The following KAZN variants were observed in gnomAD, a reference collection of about 807,000 sequenced individuals.
The protein encoded by KAZN is kazrin, periplakin interacting protein, also known as kazrin.
A neutral mutation model predicts 87.4 loss-of-function variants in KAZN; 40 were observed. The ratio of observed to expected loss-of-function variants is 0.46; its 90% CI spans 0.36 to 0.60. The LOEUF (loss-of-function observed/expected upper bound fraction) is 0.60. KAZN is among the 20% of genes least tolerant of loss of function. KAZN has a pLI of 0.00. For synonymous variants in KAZN, 466 were observed against 458.3 expected (o/e 1.02, Z -0.22); for missense variants, 898 against 1,073.9 (o/e 0.84, Z 2.29).
intron 1 of KAZN, among the ~76,000 whole-genome samples, chr1:14,846,691 G>T (rs35734709): frequency 6.6e-6 from 1 of 152,114 alleles, no homozygotes; most frequent in Admixed American, 6.5e-5. Flanking sequence ...TGAGAATCAG[G>T]GGGGAGTTAT....
chr1:14,532,837 A>G (rs1191734828), intron 2 of KAZN, among the ~76,000 whole-genome samples: 3 of 151,892 alleles, frequency 2.0e-5, no homozygotes, highest in Admixed American at 6.6e-5. Context: ...TCCATGGTGT[A>G]TATGTGCCAC....
intron 1 of KAZN, among the ~76,000 whole-genome samples, chr1:14,829,691 C>A (rs527445059): frequency 2.6e-5 from 4 of 152,178 alleles, no homozygotes; most frequent in Admixed American, 2.6e-4. Flanking sequence ...CTGTTACAGG[C>A]AGACAGAATG....
Position 15,008,662 on chromosome 1 carries a change from G to A in KAZN, c.419-26087G>A, listed in dbSNP as rs1485114100. ...ACAGGGCTTCTAGCCCTGGTATCTG[G>A]CTCTAAGTCTAAGGCTCTTTCTAGC... On this transcript the variant is annotated intron_variant, in intron 2 of 14. Coordinates refer to ENST00000376030, the MANE Select transcript of KAZN (RefSeq NM_201628.3). Among the ~76,000 whole-genome samples the A allele has an allele frequency of 2.6e-5, 4 of 152,214 alleles. No individual in the cohort carries two copies. The South Asian group carries it at 8.3e-4, about 32-fold the overall frequency.
chr1:14,104,137 C>A (rs1234223922), intron 1 of KAZN, among the ~76,000 whole-genome samples: 9 of 152,184 alleles, frequency 5.9e-5, no homozygotes, highest in Admixed American at 5.2e-4. Context: ...CCTACCAGAG[C>A]TGGGGACGAG....
chr1:15,018,517 C>T (rs1413870801), intron 2 of KAZN, among the ~76,000 whole-genome samples: 1 of 150,940 alleles, frequency 6.6e-6, no homozygotes, highest in African/African-American at 2.4e-5. Context: ...TCATGGGGTC[C>T]CCTGGAAGAG....
chr1:14,175,095 A>G (rs144303554), intron 1 of KAZN, among the ~76,000 whole-genome samples: 2 of 152,132 alleles, frequency 1.3e-5, no homozygotes, highest in African/African-American at 4.8e-5. Flanking sequence ...TCTACCATGG[A>G]TGGGTTTTGT....
At chr1:14,659,344 T>G (rs556302674) in intron 1 of KAZN, among the ~76,000 whole-genome samples, 1 of 152,112 alleles carries the variant, frequency 6.6e-6, no homozygotes, top group Non-Finnish European at 1.5e-5. Flanking sequence ...GTTCTATAGG[T>G]CACTCAGGCG....
intron 2 of KAZN, among the ~76,000 whole-genome samples, chr1:14,267,359 C>CAAAAAAAAA (rs61641430): frequency 1.2e-4 from 8 of 64,720 alleles, no homozygotes; most frequent in East Asian, 4.9e-4. Context: ...AGCCGATAAG[C>CAAAAAAAAA]AAAAAAAAAA....
At chr1:14,958,791 C>T (rs918454018) in intron 1 of KAZN, among the ~76,000 whole-genome samples, 2 of 152,188 alleles carry the variant, frequency 1.3e-5, no homozygotes, top group African/African-American at 2.4e-5. Context: ...TTGGCCCCTC[C>T]CCTGGTCCCT....
chr1:14,593,466 C>T (rs949493125), intron 2 of KAZN, among the ~76,000 whole-genome samples: 1 of 152,020 alleles, frequency 6.6e-6, no homozygotes. Flanking sequence ...TTACTGCATG[C>T]AATAGAAATA....
At chr1:14,708,376 A>C (rs1642319916) in intron 1 of KAZN, among the ~76,000 whole-genome samples, 2 of 152,226 alleles carry the variant, frequency 1.3e-5, no homozygotes, top group South Asian at 4.1e-4. Flanking sequence ...TCAGATGCTA[A>C]TCCTCGCCAA....
rs1162869098 is a variant in KAZN at position 14,237,441 on chromosome 1, A to G, written c.249+56849A>G. 2.6e-5 allele frequency among the ~76,000 whole-genome samples: 4 copies of G among 152,248 alleles called. No homozygotes were observed. In the East Asian group the frequency reaches 7.8e-4, roughly 30 times the overall value. On this transcript the variant is annotated intron_variant, in intron 2 of 16. Transcript: ENST00000636203. ...TTGCCTCGTCACATGAAATCATTTCATGCATTCACTGGTCTCTGGACTGTT... is the reference window on the plus strand; with the variant it reads ...TTGCCTCGTCACATGAAATCATTTCGTGCATTCACTGGTCTCTGGACTGTT...
chr1:14,598,743 T>C lies in KAZN; in HGVS notation c.-255T>C. On this transcript the variant is annotated 5_prime_UTR_variant, in exon 1 of 15. Transcript: ENST00000376030. The surrounding 1 kb of genome is among the most constrained non-coding windows in gnomAD (Gnocchi z 4.2). ...GGGTCTCGGCGATCGCTGCTCCTCC[T>C]CCTCCTTCTCCTCCTCTTTTTTCTC... The C allele has an allele frequency of 7.5e-7, 1 of 1,332,902 alleles. No individual in the cohort carries two copies. The highest frequency in any genetic ancestry group is 3.2e-5 in the East Asian group (1 of 31,566). 82.6% of individuals were successfully genotyped at this position (1,332,902 alleles called of 1,614,324 possible).
chr1:15,094,530 G>A lies in KAZN; in HGVS notation c.1428+145G>A, dbSNP rs947806242. ...CTAGCCAATGCAATCAGCCTCTGAT[G>A]TACCTGCTCATTGTGCCTCCCTGGC... On this transcript the variant is annotated intron_variant, in intron 9 of 14. Coordinates refer to ENST00000376030, the MANE Select transcript of KAZN (RefSeq NM_201628.3). The surrounding 1 kb of genome is among the most constrained non-coding windows in gnomAD (Gnocchi z 4.5). 2.6e-6 allele frequency: 2 copies of A among 775,100 alleles called. No individual in the cohort carries two copies. The highest frequency in any genetic ancestry group is 4.1e-6 in the Non-Finnish European group (2 of 485,318). 48.0% of individuals were successfully genotyped at this position (775,100 alleles called of 1,614,324 possible).
At chr1:14,495,059 C>T (rs1219985644) in intron 2 of KAZN, among the ~76,000 whole-genome samples, 1 of 152,150 alleles carries the variant, frequency 6.6e-6, no homozygotes, top group Non-Finnish European at 1.5e-5. Context: ...AAAGAGAATA[C>T]AGCAAGGTTT....
At chr1:13,997,470 G>A (rs1192428487) in intron 1 of KAZN, among the ~76,000 whole-genome samples, 1 of 152,034 alleles carries the variant, frequency 6.6e-6, no homozygotes, top group Non-Finnish European at 1.5e-5. Context: ...CCAAGAACCT[G>A]ATAAAAGGTT....
At chr1:14,137,934 G>A (rs1645145413) in intron 1 of KAZN, among the ~76,000 whole-genome samples, 1 of 152,042 alleles carries the variant, frequency 6.6e-6, no homozygotes, top group Non-Finnish European at 1.5e-5. Flanking sequence ...GCTTCAGTGT[G>A]TATCTGAGCC....
chr1:14,076,114 T>C (rs941780628), intron 1 of KAZN, among the ~76,000 whole-genome samples: 1 of 151,976 alleles, frequency 6.6e-6, no homozygotes, highest in Admixed American at 6.6e-5. Context: ...ACCCTGTCTC[T>C]ACTAAAAATA....
intron 2 of KAZN, among the ~76,000 whole-genome samples, chr1:14,206,388 G>A (rs1646745878): frequency 6.6e-6 from 1 of 152,082 alleles, no homozygotes; most frequent in Non-Finnish European, 1.5e-5. Flanking sequence ...TTCCTGCTCA[G>A]TATTCATTGC....
Sources: gnomAD v4.1 joint callset for allele counts (sites outside exome capture counted in the v4.1 genomes callset) on GRCh38, gnomAD v4.1.1 for gene constraint, Gnocchi (gnomAD v3.1) non-coding constraint, MANE v1.5 for transcripts, NCBI Gene and HGNC (gene_info 2026-07-23, HGNC 2026-07-21) for gene names.